MTSS1: variants seen among roughly 807,000 people sequenced by gnomAD.
The protein encoded by MTSS1 is protein MTSS 1.
MTSS1 carries 18 observed loss-of-function variants against 79.0 expected under a neutral mutation model. The observed-to-expected ratio is 0.23, with a 90% confidence interval of 0.16 to 0.34. The LOEUF (loss-of-function observed/expected upper bound fraction) is 0.34. Among genes scored for constraint, MTSS1 ranks in the 10% least tolerant of loss-of-function variants. The probability of loss-of-function intolerance (pLI) is 1.00; values close to 1 mark genes in which losing one functional copy is unlikely to be tolerated. For synonymous variants in MTSS1, 341 were observed against 368.6 expected (o/e 0.93, Z 0.86); for missense variants, 815 against 986.2 (o/e 0.83, Z 2.33).
chr8:124,718,793 A>C (rs1341396764), intron 1 of MTSS1, among the ~76,000 whole-genome samples: 1 of 152,106 alleles, frequency 6.6e-6, no homozygotes, highest in African/African-American at 2.4e-5. Context: ...CAAAACAAAC[A>C]TGTGTCGTGT....
At chr8:124,579,231 A>C (rs1260830447) in intron 6 of MTSS1, among the ~76,000 whole-genome samples, 5 of 152,228 alleles carry the variant, frequency 3.3e-5, no homozygotes, top group African/African-American at 1.2e-4. Flanking sequence ...AGTAAAACTC[A>C]AGACTCAAGG....
At chr8:124,571,155 A>G (rs1159950801) in intron 6 of MTSS1, among the ~76,000 whole-genome samples, 1 of 152,110 alleles carries the variant, frequency 6.6e-6, no homozygotes, top group Non-Finnish European at 1.5e-5. Flanking sequence ...TAGACAAGAA[A>G]CCTGTAAAAA....
intron 3 of MTSS1, among the ~76,000 whole-genome samples, chr8:124,600,055 C>G (rs767654332): frequency 1.4e-5 from 1 of 72,798 alleles, no homozygotes; most frequent in Admixed American, 1.4e-4. Context: ...AAAAAAAAAA[C>G]AAAAAAAAAA....
intron 3 of MTSS1, among the ~76,000 whole-genome samples, chr8:124,632,110 C>A (rs917082636): frequency 6.6e-6 from 1 of 151,598 alleles, no homozygotes; most frequent in Non-Finnish European, 1.5e-5. Flanking sequence ...GACTCCATCC[C>A]TTCAAAAAAA....
At chr8:124,605,204 G>A (rs1400089839) in intron 3 of MTSS1, among the ~76,000 whole-genome samples, 5 of 152,184 alleles carry the variant, frequency 3.3e-5, no homozygotes, top group Non-Finnish European at 5.9e-5. Flanking sequence ...TGCCTCTGCT[G>A]CATGGGCACA....
chr8:124,685,259 G>A (rs531807149), intron 3 of MTSS1, among the ~76,000 whole-genome samples: 11 of 152,280 alleles, frequency 7.2e-5, no homozygotes, highest in African/African-American at 1.9e-4. Flanking sequence ...CTGCAAAAAT[G>A]TCCAAACTGT....
intron 3 of MTSS1, among the ~76,000 whole-genome samples, chr8:124,652,491 A>G (rs147313313): frequency 2.0e-5 from 3 of 152,290 alleles, no homozygotes; most frequent in East Asian, 3.9e-4. Flanking sequence ...TACATTAACA[A>G]TACCCAACAG....
In MTSS1 at chr8:124,610,357, C is replaced by T. The variant is rs528042064; in HGVS notation, c.209-19122G>A. Among the ~76,000 whole-genome samples the T allele has an allele frequency of 2.9e-4, 44 of 152,170 alleles. No individual in the cohort carries two copies. The South Asian group carries it at 8.5e-3, about 30-fold the overall frequency. ...GACATATTTTTTTAGAAGATAATTACTAACAATCTCTGAAGCTTCAGGTCC... is the reference window on the plus strand; with the variant it reads ...GACATATTTTTTTAGAAGATAATTATTAACAATCTCTGAAGCTTCAGGTCC... On this transcript the variant is annotated intron_variant, in intron 3 of 13. Coordinates refer to ENST00000518547, the MANE Select transcript of MTSS1 (RefSeq NM_014751.6).
rs1001478955 is a variant in MTSS1, at chr8:124,582,719, G to T, written c.460+2368C>A. Among the ~76,000 whole-genome samples the T allele has an allele frequency of 6.6e-6, 1 of 152,192 alleles. No individual in the cohort carries two copies. On this transcript the variant is annotated intron_variant, in intron 6 of 13. Coordinates refer to ENST00000518547, the MANE Select transcript of MTSS1 (RefSeq NM_014751.6). This position sits in a 1 kb window ranked among gnomAD's most constrained non-coding sequence, Gnocchi z 4.8. ...TTACAAACCGAGGGTCCGGGAATCT[G>T]CCACTTGAAGGAGATGAAACAGATC...
At chr8:124,570,166 TCAGA>T (rs1827434679) in intron 6 of MTSS1, among the ~76,000 whole-genome samples, 1 of 152,242 alleles carries the variant, frequency 6.6e-6, no homozygotes, top group Non-Finnish European at 1.5e-5. Flanking sequence ...AAGTCACTTC[TCAGA>T]CAGGGAATAA....
intron 3 of MTSS1, among the ~76,000 whole-genome samples, chr8:124,669,147 A>G (rs1823659734): frequency 6.6e-6 from 1 of 152,296 alleles, no homozygotes; most frequent in African/African-American, 2.4e-5. Flanking sequence ...CAAAAATACA[A>G]TCCTCAGAAA....
In MTSS1 at chr8:124,655,431, C is replaced by T. The variant is rs190478138; in HGVS notation, c.208+44095G>A. Reference sequence around the variant, plus strand: ...TCCCAAGAGCACAGAGAGTCAGATACGCCCTTCCTCATCCCAGCAGAACAG... The same window carrying T: ...TCCCAAGAGCACAGAGAGTCAGATATGCCCTTCCTCATCCCAGCAGAACAG... On this transcript the variant is annotated intron_variant, in intron 3 of 13. Coordinates refer to ENST00000518547, the MANE Select transcript of MTSS1 (RefSeq NM_014751.6). Among the ~76,000 whole-genome samples, 490 of 152,314 alleles carry T rather than the reference C, an allele frequency of 3.2e-3. 2 individuals carry two copies. The highest frequency in any genetic ancestry group is 3.4e-3 in the Middle Eastern group (1 of 294).
At chr8:124,603,036 T>C (rs1834197209) in intron 3 of MTSS1, among the ~76,000 whole-genome samples, 3 of 152,194 alleles carry the variant, frequency 2.0e-5, no homozygotes, top group African/African-American at 7.2e-5. Flanking sequence ...ACTCTTTTTG[T>C]TCTTTCTGAG....
chr8:124,691,249 C>T (rs1827885597), intron 3 of MTSS1, among the ~76,000 whole-genome samples: 1 of 152,102 alleles, frequency 6.6e-6, no homozygotes, highest in Non-Finnish European at 1.5e-5. Flanking sequence ...ACATCACCTC[C>T]CACTAGGGCA....
chr8:124,663,315 G>A (rs1822445361), intron 3 of MTSS1, among the ~76,000 whole-genome samples: 4 of 152,134 alleles, frequency 2.6e-5, no homozygotes, highest in Admixed American at 1.3e-4. Flanking sequence ...TTTGCTCAAG[G>A]AGGCTTCCCA....
intron 3 of MTSS1, among the ~76,000 whole-genome samples, chr8:124,649,130 G>T (rs1043371622): frequency 1.3e-5 from 2 of 152,196 alleles, no homozygotes; most frequent in Non-Finnish European, 2.9e-5. Flanking sequence ...GGCCAAATCC[G>T]GCCCACTGCC....
chr8:124,642,371 CA>C (rs1258736829), intron 3 of MTSS1, among the ~76,000 whole-genome samples: 2 of 152,114 alleles, frequency 1.3e-5, no homozygotes, highest in African/African-American at 4.8e-5. Context: ...GAAAGAAAAA[CA>C]TCTCCATTTT....
chr8:124,641,629 T>C (rs1216722258), intron 3 of MTSS1, among the ~76,000 whole-genome samples: 1 of 152,200 alleles, frequency 6.6e-6, no homozygotes, highest in Non-Finnish European at 1.5e-5. Flanking sequence ...GAAGCTCTGA[T>C]GGCTGGACAG....
At chr8:124,685,887 G>GGACA in intron 3 of MTSS1, among the ~76,000 whole-genome samples, 1 of 152,268 alleles carries the variant, frequency 6.6e-6, no homozygotes, top group East Asian at 1.9e-4. Context: ...AAGTGGGAGG[G>GGACA]GACAGGCCAC....
Sources: allele counts gnomAD v4.1 joint callset (sites outside exome capture counted in the v4.1 genomes callset), GRCh38; gene constraint gnomAD v4.1.1; non-coding constraint Gnocchi (gnomAD v3.1); transcripts MANE v1.5; gene names NCBI Gene and HGNC (gene_info 2026-07-23, HGNC 2026-07-21).